LOXL4: variants seen among roughly 807,000 people sequenced by gnomAD.
LOXL4 encodes the protein lysyl oxidase homolog 4.
LOXL4 carries 72 observed loss-of-function variants against 89.1 expected under a neutral mutation model. The observed-to-expected ratio is 0.81, with a 90% CI of 0.67 to 0.98. The LOEUF is 0.98. Ranked by LOEUF, LOXL4 falls within the 50% of genes least tolerant of loss-of-function variation. The pLI is 0.00. For missense variants in LOXL4, 984 were observed against 1,017.5 expected, an observed-to-expected ratio of 0.97 and a Z score of 0.45; for synonymous variants, 355 against 392.1, an observed-to-expected ratio of 0.91 and a Z score of 1.12.
chr10:98,259,216 C>G lies in LOXL4; in HGVS notation c.714G>C (p.Leu238=). The part of the protein sequence containing the change: ...MRDPKSRLKS[L]TNKNSFWIHQ... ...GGATCCAGAAGGAGTTCTTATTCGTCAGGCTCTTCAGCCTAGAGGACAAGG... is the reference window on the plus strand; with the variant it reads ...GGATCCAGAAGGAGTTCTTATTCGTGAGGCTCTTCAGCCTAGAGGACAAGG... Residue 238 remains leucine, a synonymous_variant, in exon 6 of 15, where the codon CTG becomes CTC. Coordinates refer to ENST00000260702, the MANE Select transcript of LOXL4 (RefSeq NM_032211.7). 6.2e-7 allele frequency: 1 copy of G among 1,610,820 alleles called. No individual in the cohort carries two copies. Among genetic ancestry groups the G allele is most frequent in the Non-Finnish European group, 8.5e-7 (1 of 1,179,002 alleles).
chr10:98,263,059 A>G lies in LOXL4; in HGVS notation c.-32-8T>C, dbSNP rs370477584. ...CAGCTGAGGCCAAGATACCTGAGGA[A>G]TGAGTAAACATGACAGTGATCACCA... On this transcript the variant is annotated splice_region_variant and splice_polypyrimidine_tract_variant and intron_variant, in intron 1 of 14. Transcript: ENST00000260702. 1.0e-5 allele frequency: 16 copies of G among 1,597,746 alleles called. No individual in the cohort carries two copies. In the African/African-American group the frequency reaches 2.0e-4, roughly 20 times the overall value.
rs371493970 is a variant in LOXL4, at chr10:98,252,434, C to T, written c.1870G>A (p.Asp624Asn). ...YHSIEVFTHY[D>N]LLTLNGSKVA... ...TTGGAGCCATTGAGAGTGAGGAGGT[C>T]GTAGTGGGTGAAGACCTCAATGCTG... The change falls in exon 12 of 15, where the codon GAC becomes AAC. Residue 624 changes from aspartate (D) to asparagine (N), a missense_variant. Transcript: ENST00000260702. The T allele has an allele frequency of 1.6e-5, 26 of 1,614,010 alleles. No homozygotes were observed. Among genetic ancestry groups the T allele is most frequent in the African/African-American group, 8.0e-5 (6 of 75,010 alleles).
intron 9 of LOXL4, chr10:98,256,552 A>C: frequency 1.7e-6 from 1 of 574,294 alleles, no homozygotes; most frequent in Non-Finnish European, 3.1e-6. Flanking sequence ...ACTAATTTCT[A>C]TTCATCTTTC....
At position 98,263,826 on chromosome 10, in the gene LOXL4, G is replaced by A. The variant is rs187412598; in HGVS notation, c.-32-775C>T. Among the ~76,000 whole-genome samples the A allele has an allele frequency of 2.7e-5, 4 of 150,638 alleles. No individual in the cohort carries two copies. The East Asian group carries it at 7.8e-4, about 29-fold the overall frequency. ...AGCTCACTGCAACCTCCGCCTCCCA[G>A]GTTTAAGCAATTCTCTGCCTCATCC... On this transcript the variant is annotated intron_variant, in intron 1 of 14. Coordinates refer to ENST00000260702, the MANE Select transcript of LOXL4 (RefSeq NM_032211.7).
chr10:98,250,986 G>T (rs1008470822), intron 14 of LOXL4, 79 bp downstream of exon 14: 5 of 989,084 alleles, frequency 5.1e-6, no homozygotes, highest in Non-Finnish European at 8.0e-6. Context: ...ACGCTGGAGT[G>T]TGGGAGCAGA....
intron 11 of LOXL4, 117 bp downstream of exon 11, chr10:98,253,432 CAAGG>C: frequency 1.4e-6 from 2 of 1,407,290 alleles, no homozygotes. Context: ...GCAAGGCCAG[CAAGG>C]AGAGCGCACA....
Position 98,261,030 on chromosome 10 carries a change from C to T in LOXL4, c.554G>A (p.Gly185Asp). 6.2e-7 allele frequency: 1 copy of T among 1,614,096 alleles called. No individual in the cohort carries two copies. Among genetic ancestry groups the T allele is most frequent in the Non-Finnish European group, 8.5e-7 (1 of 1,180,036 alleles). Reference protein sequence around the residue: ...TEGAVEVKYEGHWRQVCDQGW... With the variant: ...TEGAVEVKYEDHWRQVCDQGW... ...CTGGTCACACACCTGCCGCCAGTGGCCCTCATACTTCACCTCCACGGCTCC... is the reference window on the plus strand; with the variant it reads ...CTGGTCACACACCTGCCGCCAGTGGTCCTCATACTTCACCTCCACGGCTCC... The change falls in exon 4 of 15, where the codon GGC (glycine) becomes GAC (aspartate). Residue 185 changes from glycine (G) to aspartate (D), a missense_variant. Gly to Asp is a moderately conservative substitution (Grantham distance 94). Transcript: ENST00000260702.
intron 9 of LOXL4, chr10:98,256,052 G>A: frequency 3.6e-6 from 1 of 275,212 alleles, no homozygotes; most frequent in South Asian, 9.2e-5. Context: ...TGGGGGCTGT[G>A]CTCACATTTC....
In LOXL4 at chr10:98,259,419, C is replaced by G; in HGVS notation, c.673G>C (p.Asp225His). The G allele has an allele frequency of 6.2e-7, 1 of 1,613,196 alleles. No homozygotes were observed. The highest frequency in any genetic ancestry group is 8.5e-7 in the Non-Finnish European group (1 of 1,179,752). The change falls in exon 5 of 15, where the codon GAT becomes CAT. Residue 225 changes from aspartate (D) to histidine (H), a missense_variant. Asp to His is a moderately conservative substitution (Grantham distance 81, BLOSUM62 -1). Transcript: ENST00000260702. The part of the protein sequence containing the change: ...VDSHYYRKVW[D>H]LKMRDPKSRL... ...GACTTAGGGTCCCTCATCTTCAGAT[C>G]CCAGACTTTCCTGTTATGGGAGAAA...
rs1021222952 is a variant in LOXL4, at chr10:98,253,754, G to A, written c.1634C>T (p.Thr545Met). ...LVMNAQLVQE[T>M]AYLEDRPLSQ... ...GAGCGGGCGGTCCTCCAAGTAGGCC[G>A]TCTCCTGCACTAGCTGGGCGTTCAT... is the stretch of plus-strand genomic sequence containing the variant. Residue 545 changes from threonine to methionine, a missense_variant, in exon 11 of 15, where the codon ACG (threonine) becomes ATG (methionine). Thr to Met is a moderately conservative substitution (Grantham distance 81). Transcript: ENST00000260702. The A allele has an allele frequency of 3.7e-6, 6 of 1,614,176 alleles. No individual in the cohort carries two copies. Among genetic ancestry groups the A allele is most frequent in the Non-Finnish European group, 5.1e-6 (6 of 1,180,034 alleles).
At chr10:98,249,621 C>T (rs1222411920) in intron 14 of LOXL4, among the ~76,000 whole-genome samples, 2 of 152,230 alleles carry the variant, frequency 1.3e-5, no homozygotes, top group South Asian at 2.1e-4. Context: ...GACTCTCACC[C>T]GAGTGTGCCT....
At chr10:98,250,438 A>C (rs1258516403) in intron 14 of LOXL4, among the ~76,000 whole-genome samples, 4 of 152,162 alleles carry the variant, frequency 2.6e-5, no homozygotes, top group Non-Finnish European at 5.9e-5. Flanking sequence ...TAAATGAACA[A>C]CTCTGCCCCA....
At chr10:98,255,550 C>T in intron 10 of LOXL4, 27 bp downstream of exon 10, 2 of 1,585,310 alleles carry the variant, frequency 1.3e-6, no homozygotes, top group Non-Finnish European at 1.7e-6. Flanking sequence ...TACCTGTCCC[C>T]AGCCCTGTGA....
chr10:98,250,446 C>G (rs1438692575), intron 14 of LOXL4, among the ~76,000 whole-genome samples: 1 of 152,194 alleles, frequency 6.6e-6, no homozygotes, highest in East Asian at 1.9e-4. Context: ...CAACTCTGCC[C>G]CATCCCACCG....
In LOXL4 at chr10:98,259,056, A is replaced by C. The variant is rs747182365; in HGVS notation, c.874T>G (p.Phe292Val). Residue 292 changes from phenylalanine to valine, a missense_variant, in exon 6 of 15, where the codon TTC becomes GTC. Coordinates refer to ENST00000260702, the MANE Select transcript of LOXL4 (RefSeq NM_032211.7). Reference protein sequence around the residue: ...AVVSCVAGPHFRPPKTKPQRK... With the variant: ...AVVSCVAGPHVRPPKTKPQRK... ...TGTGGCTTTGTCTTCGGTGGGCGGA[A>C]GTGAGGCCCTGCCACACAGCTGACC... 4 of 1,571,146 alleles carry C rather than the reference A, an allele frequency of 2.5e-6. No individual in the cohort carries two copies. The Admixed American group carries it at 5.6e-5, about 22-fold the overall frequency.
chr10:98,259,175 A>G lies in LOXL4; in HGVS notation c.755T>C (p.Leu252Pro). 1 of 1,612,282 alleles carries G rather than the reference A, an allele frequency of 6.2e-7. No homozygotes were observed. Among genetic ancestry groups the G allele is most frequent in the Non-Finnish European group, 8.5e-7 (1 of 1,179,846 alleles). Residue 252 changes from leucine (L) to proline (P), a missense_variant, in exon 6 of 15, where the codon CTG becomes CCG. Physicochemically the swap from Leu to Pro is moderately conservative, Grantham distance 98. Transcript: ENST00000260702. ...GTTGGCCATGTGGGGCTCTGTCCCCAGGCAGGTGACCTGGTGGATCCAGAA... is the reference window on the plus strand; with the variant it reads ...GTTGGCCATGTGGGGCTCTGTCCCCGGGCAGGTGACCTGGTGGATCCAGAA... ...NSFWIHQVTC[L>P]GTEPHMANCQ... is the part of the protein sequence containing the mutation.
chr10:98,263,863 T>G (rs1344234476), intron 1 of LOXL4, among the ~76,000 whole-genome samples: 1 of 151,918 alleles, frequency 6.6e-6, no homozygotes, highest in East Asian at 1.9e-4. Flanking sequence ...CCTGAGTAGC[T>G]GGGATTACAG....
chr10:98,248,882 TG>T lies in LOXL4; in HGVS notation c.*38del, dbSNP rs770501952. ...CATGGCTCCAATAAGCTGAGGTATCTGGTGTATCGGCAGCAGCTAGGAGTGT... is the reference window on the plus strand; with the variant it reads ...CATGGCTCCAATAAGCTGAGGTATCTGTGTATCGGCAGCAGCTAGGAGTGT... On this transcript the variant is annotated 3_prime_UTR_variant, in exon 15 of 15. Transcript: ENST00000260702. 1 of 1,564,718 alleles carries T rather than the reference TG, an allele frequency of 6.4e-7. No individual in the cohort carries two copies.
At chr10:98,267,073 G>A (rs987631562) in intron 1 of LOXL4, among the ~76,000 whole-genome samples, 1 of 152,040 alleles carries the variant, frequency 6.6e-6, no homozygotes, top group African/African-American at 2.4e-5. Flanking sequence ...TTTAAAATAC[G>A]GATTAAATAC....
Sources: allele counts gnomAD v4.1 joint callset (sites outside exome capture counted in the v4.1 genomes callset), GRCh38; gene constraint gnomAD v4.1.1; transcripts MANE v1.5; gene names NCBI Gene and HGNC (gene_info 2026-07-23, HGNC 2026-07-21).